Variants in RBM42 observed in about 807,000 individuals in gnomAD.
RBM42 encodes the protein RNA-binding protein 42.
In RBM42, 21 loss-of-function variants were observed where a neutral mutation model predicts 41.4. That is an observed-to-expected ratio of 0.51 (90% CI 0.36 to 0.73). The LOEUF is 0.73. Ranked by LOEUF, RBM42 falls within the 30% of genes least tolerant of loss-of-function variation. RBM42 has a pLI of 0.00. For synonymous variants in RBM42, 272 were observed against 271.2 expected, an observed-to-expected ratio of 1.00 and a Z score of -0.03; for missense variants, 539 against 680.4, an observed-to-expected ratio of 0.79 and a Z score of 2.31.
intron 8 of RBM42, among the ~76,000 whole-genome samples, chr19:35,634,759 A>G (rs1203147487): frequency 2.0e-5 from 3 of 150,826 alleles, no homozygotes; most frequent in Admixed American, 2.0e-4. Flanking sequence ...CCCAGGTTCA[A>G]GTGATTCTCC....
intron 1 of RBM42, 99 bp from the exon 2 acceptor site, chr19:35,629,421 G>C: frequency 1.3e-6 from 2 of 1,556,290 alleles, no homozygotes; most frequent in Non-Finnish European, 1.7e-6. Flanking sequence ...GGCGGGGATA[G>C]GGGAGAGGTT....
chr19:35,634,866 A>G (rs996969872), intron 8 of RBM42, among the ~76,000 whole-genome samples: 3 of 151,824 alleles, frequency 2.0e-5, no homozygotes, highest in Non-Finnish European at 4.4e-5. Context: ...ACACCCGTCT[A>G]CCCACCACCT....
chr19:35,633,157 C>A lies in RBM42; in HGVS notation c.589C>A (p.Leu197Met). The part of the protein sequence containing the change: ...PPHQALVGPP[L>M]PGPPGPPMML... ...TCACCAGGCCCTCGTGGGCCCCCCTCTGCCTGGGCCCCCTGGACCACCCAT... is the reference window on the plus strand; with the variant it reads ...TCACCAGGCCCTCGTGGGCCCCCCTATGCCTGGGCCCCCTGGACCACCCAT... The change falls in exon 6 of 10, where the codon CTG becomes ATG. Residue 197 changes from leucine (L) to methionine (M), a missense_variant. Coordinates refer to ENST00000262633, the MANE Select transcript of RBM42 (RefSeq NM_024321.5). 6.3e-7 allele frequency: 1 copy of A among 1,589,054 alleles called. No individual in the cohort carries two copies. Among genetic ancestry groups the A allele is most frequent in the East Asian group, 2.2e-5 (1 of 44,756 alleles).
rs1366516354 is a variant in RBM42, at chr19:35,634,310, C to T, written c.1072C>T (p.Arg358Trp). 1.9e-6 allele frequency: 3 copies of T among 1,614,064 alleles called. No homozygotes were observed. Among genetic ancestry groups the T allele is most frequent in the South Asian group, 1.1e-5 (1 of 91,072 alleles). Residue 358 changes from arginine (R) to tryptophan (W), a missense_variant, in exon 8 of 10, where the codon CGG (arginine) becomes TGG (tryptophan). This residue lies in a region of RBM42 where 110 missense variants were observed against 191.5 expected (regional missense o/e 0.57). Coordinates refer to ENST00000262633, the MANE Select transcript of RBM42 (RefSeq NM_024321.5). ...KKKGKPEKLKRCIRTAAGSSW... is the reference protein window; with the variant it reads ...KKKGKPEKLKWCIRTAAGSSW... ...GAAGGGGAAGCCAGAGAAATTGAAA[C>T]GGTGCATTCGCACAGCGGCAGGGAG... is the stretch of plus-strand genomic sequence containing the variant.
intron 4 of RBM42, 102 bp downstream of exon 4, chr19:35,631,507 G>A: frequency 1.7e-5 from 18 of 1,077,128 alleles, no homozygotes; most frequent in Non-Finnish European, 2.5e-5. Flanking sequence ...CTTTGCCTTT[G>A]ATCCCAACTT....
Position 35,631,353 on chromosome 19 carries a change from G to T in RBM42, c.390G>T (p.Arg130=), listed in dbSNP as rs1278644659. 6.2e-7 allele frequency: 1 copy of T among 1,614,080 alleles called. No homozygotes were observed. Among genetic ancestry groups the T allele is most frequent in the Non-Finnish European group, 8.5e-7 (1 of 1,180,048 alleles). Residue 130 remains arginine (R), a synonymous_variant, in exon 4 of 10, where the codon CGG becomes CGT. Transcript: ENST00000262633. ...CAGTTGGCTTTGGCCCTGGTGATCG[G>T]AGTCACCTGGACAGCCCAGAGGCTC... is the stretch of plus-strand genomic sequence containing the variant. The part of the protein sequence containing the change: ...VGPVGFGPGD[R]SHLDSPEARE...
At chr19:35,632,730 G>T (rs1372251996) in intron 4 of RBM42, among the ~76,000 whole-genome samples, 1 of 152,058 alleles carries the variant, frequency 6.6e-6, no homozygotes, top group African/African-American at 2.4e-5. Context: ...GCCTGCCACA[G>T]GGCTGAGCCA....
chr19:35,635,523 CT>C (rs11375946), intron 8 of RBM42, among the ~76,000 whole-genome samples: 21 of 140,492 alleles, frequency 1.5e-4, no homozygotes, highest in Non-Finnish European at 9.1e-5. Context: ...TTTTTTTTTT[CT>C]TTTTTTTTTT....
chr19:35,631,680 A>G (rs746304665), intron 4 of RBM42: 15 of 511,786 alleles, frequency 2.9e-5, no homozygotes, highest in Non-Finnish European at 4.5e-5. Flanking sequence ...CTTATTTACT[A>G]TGGCTATCAT....
At chr19:35,631,978 C>T (rs1043090900) in intron 4 of RBM42, 1 of 154,464 alleles carries the variant, frequency 6.5e-6, no homozygotes, top group Admixed American at 6.4e-5. Context: ...CCCCCCAGGC[C>T]ATTTTCTACA....
At chr19:35,634,049 A>T in intron 7 of RBM42, 30 bp downstream of exon 7, 1 of 1,471,110 alleles carries the variant, frequency 6.8e-7, no homozygotes, top group Non-Finnish European at 9.0e-7. Context: ...GTGAAGGGAC[A>T]GAAGGGACGG....
rs1967356721 is a variant in RBM42 at position 35,629,068 on chromosome 19, C to A, written c.-86C>A. 1 of 1,448,740 alleles carries A rather than the reference C, an allele frequency of 6.9e-7. No individual in the cohort carries two copies. 89.7% of individuals were successfully genotyped at this position (1,448,740 alleles called of 1,614,324 possible). On this transcript the variant is annotated 5_prime_UTR_variant, in exon 1 of 10. Coordinates refer to ENST00000262633, the MANE Select transcript of RBM42 (RefSeq NM_024321.5). ...CTGGACGTCATCCTCGGGAGCCCAC[C>A]CGGACGAAGGGGGAGAGTAGACAGC...
At position 35,637,313 on chromosome 19, in the gene RBM42, G is replaced by A; in HGVS notation, c.1291G>A (p.Asp431Asn). The change falls in exon 9 of 10, where the codon GAC becomes AAC. Residue 431 changes from aspartate to asparagine, a missense_variant. Transcript: ENST00000262633. The surrounding 1 kb of genome is among the most constrained non-coding windows in gnomAD (Gnocchi z 7.0). ...TKGYGFVSFK[D>N]PSDYVRAMRE... ...GGGCTACGGCTTCGTCAGCTTCAAG[G>A]ACCCCAGCGACTACGTGCGCGCCAT... The A allele has an allele frequency of 1.2e-6, 2 of 1,614,238 alleles. No individual in the cohort carries two copies. The highest frequency in any genetic ancestry group is 2.2e-5 in the South Asian group (2 of 91,090).
chr19:35,629,909 A>C (rs1056898368), intron 2 of RBM42, among the ~76,000 whole-genome samples: 1 of 152,342 alleles, frequency 6.6e-6, no homozygotes, highest in African/African-American at 2.4e-5. Flanking sequence ...GACTGTTCTG[A>C]TATATTTAAA....
At chr19:35,632,843 G>T in intron 4 of RBM42, 93 bp from the exon 5 acceptor site, 1 of 708,180 alleles carries the variant, frequency 1.4e-6, no homozygotes, top group South Asian at 1.6e-5. Flanking sequence ...TCTTGATGCT[G>T]AGAGTGCACA....
chr19:35,634,114 C>T, intron 7 of RBM42, 95 bp downstream of exon 7: 2 of 1,513,372 alleles, frequency 1.3e-6, no homozygotes, highest in Non-Finnish European at 1.8e-6. Context: ...AGCAGGAGGA[C>T]CTGGGGGAGG....
intron 8 of RBM42, among the ~76,000 whole-genome samples, chr19:35,635,719 A>C (rs1486338187): frequency 2.6e-5 from 4 of 151,870 alleles, no homozygotes; most frequent in African/African-American, 7.3e-5. Flanking sequence ...ACGGGGTTTC[A>C]CCATGCTGGC....
Position 35,633,713 on chromosome 19 carries a change from G to A in RBM42, c.711G>A (p.Leu237=). The A allele has an allele frequency of 6.8e-7, 1 of 1,471,574 alleles. No homozygotes were observed. Among genetic ancestry groups the A allele is most frequent in the Non-Finnish European group, 9.0e-7 (1 of 1,116,414 alleles). The allele number at this position is 1,471,574 out of a possible 1,614,324, so 91.2% of individuals were successfully genotyped here. A position where few individuals can be genotyped will look rare whatever the true frequency, so the allele number is the denominator to read the frequency against. The change falls in exon 7 of 10, where the codon CTG becomes CTA. Residue 237 remains leucine (L), a synonymous_variant. Transcript: ENST00000262633. The stretch of plus-strand genomic sequence containing the variant: ...AAGAGCCAGCAGCACCCCGAGAGCT[G>A]GGCCTAGGCCTGGGGTTGGGCCTGA... The part of the protein sequence containing the change: ...PLEEPAAPRE[L]GLGLGLGLKE...
intron 8 of RBM42, among the ~76,000 whole-genome samples, chr19:35,636,273 C>T (rs1014511549): frequency 2.0e-5 from 3 of 151,964 alleles, no homozygotes; most frequent in African/African-American, 7.3e-5. Context: ...ATTCTCCCAC[C>T]TCAGCCTTCC....
Sources: gnomAD v4.1 joint callset for allele counts (sites outside exome capture counted in the v4.1 genomes callset) on GRCh38, gnomAD v4.1.1 for gene constraint, gnomAD v4.1.1 regional missense constraint, Gnocchi (gnomAD v3.1) non-coding constraint, MANE v1.5 for transcripts, NCBI Gene and HGNC (gene_info 2026-07-23, HGNC 2026-07-21) for gene names.